Variants in PKM observed in about 807,000 individuals in gnomAD.
PKM encodes the protein pyruvate kinase M1/2, also known as pyruvate kinase PKM.
PKM carries 18 observed loss-of-function variants against 49.8 expected under a neutral mutation model. The observed-to-expected ratio is 0.36, with a 90% CI of 0.25 to 0.54. PKM has a LOEUF of 0.54. Ranked by LOEUF, PKM falls within the 20% of genes least tolerant of loss-of-function variation. The pLI is 0.89. For synonymous variants in PKM, 239 were observed against 261.8 expected, an observed-to-expected ratio of 0.91 and a Z score of 0.84; for missense variants, 508 against 713.8, an observed-to-expected ratio of 0.71 and a Z score of 3.28.
intron 5 of PKM, 80 bp downstream of exon 5, chr15:72,209,592 AC>A: frequency 7.8e-7 from 1 of 1,277,248 alleles, no homozygotes; most frequent in Non-Finnish European, 1.1e-6. Context: ...CAGGCAACCA[AC>A]CTTCCCATCT....
At position 72,202,601 on chromosome 15, in the gene PKM, G is replaced by C. The variant is rs1282600102; in HGVS notation, c.1160C>G (p.Ala387Gly). ...AAATAATTGCAAGTGGTAGATGGCA[G>C]CCTCTGCCTCACGGGCAATCTAGGG... ...MQHLIAREAE[A>G]AIYHLQLFEE... Residue 387 changes from alanine to glycine, a missense_variant, in exon 9 of 11, where the codon GCT (alanine) becomes GGT (glycine). Ala to Gly is a moderately conservative substitution (Grantham distance 60). Coordinates refer to ENST00000335181, the MANE Select transcript of PKM (RefSeq NM_002654.6). The surrounding 1 kb of genome is among the most constrained non-coding windows in gnomAD (Gnocchi z 4.5). 6 of 1,613,256 alleles carry C rather than the reference G, an allele frequency of 3.7e-6. No individual in the cohort carries two copies. The highest frequency in any genetic ancestry group is 4.2e-6 in the Non-Finnish European group (5 of 1,179,712).
chr15:72,224,016 G>A (rs796528508), intron 1 of PKM, among the ~76,000 whole-genome samples: 15 of 152,240 alleles, frequency 9.9e-5, no homozygotes, highest in African/African-American at 3.1e-4. Flanking sequence ...ACTAGAGTGT[G>A]GAATAGGGAA....
intron 1 of PKM, 105 bp from the exon 2 acceptor site, chr15:72,219,215 G>A (rs981526879): frequency 5.6e-5 from 58 of 1,034,024 alleles, no homozygotes; most frequent in African/African-American, 9.5e-5. Flanking sequence ...CAATAAGCAC[G>A]CTTTGTACAC....
At chr15:72,217,351 C>T in intron 3 of PKM, 58 bp downstream of exon 3, 5 of 1,013,930 alleles carry the variant, frequency 4.9e-6, no homozygotes, top group Non-Finnish European at 7.9e-6. Flanking sequence ...GAACACTGCA[C>T]CCCCTCCCTG....
At chr15:72,215,654 C>G (rs996051948) in intron 3 of PKM, among the ~76,000 whole-genome samples, 4 of 152,164 alleles carry the variant, frequency 2.6e-5, no homozygotes, top group African/African-American at 9.7e-5. Flanking sequence ...TGGCAGGTAT[C>G]ACTCGCCCTT....
chr15:72,210,969 A>G (rs886751790), intron 3 of PKM, among the ~76,000 whole-genome samples: 1 of 152,212 alleles, frequency 6.6e-6, no homozygotes, highest in African/African-American at 2.4e-5. Context: ...ATTGATTCCA[A>G]CTACAACGCA....
intron 3 of PKM, among the ~76,000 whole-genome samples, chr15:72,213,432 T>G (rs1472723640): frequency 6.6e-6 from 1 of 152,210 alleles, no homozygotes; most frequent in Non-Finnish European, 1.5e-5. Flanking sequence ...TGGACTTAAG[T>G]GTTCTGAGGT....
chr15:72,199,882 G>A, intron 10 of PKM, 126 bp from the exon 11 acceptor site: 2 of 713,340 alleles, frequency 2.8e-6, no homozygotes, highest in South Asian at 3.0e-5. Context: ...ACCACAAGGT[G>A]GCACCAAACT....
chr15:72,224,922 CTTTTTT>C (rs144572779), intron 1 of PKM, among the ~76,000 whole-genome samples: 1 of 81,602 alleles, frequency 1.2e-5, no homozygotes, highest in Non-Finnish European at 2.5e-5. Context: ...TTTCTTTTTT[CTTTTTT>C]TTTTTTTTTT....
At chr15:72,209,443 A>ATG (rs2082183964) in intron 5 of PKM, 1 of 21,944 alleles carries the variant, frequency 4.6e-5, no homozygotes, top group African/African-American at 1.7e-4. Flanking sequence ...ATATATATGT[A>ATG]TATATATATA....
In PKM at chr15:72,199,168, G is replaced by A. The variant is rs375147398; in HGVS notation, c.*482C>T. On this transcript the variant is annotated 3_prime_UTR_variant, in exon 11 of 11. Transcript: ENST00000335181. The stretch of plus-strand genomic sequence containing the variant: ...AGCTGAGTGGAGGGTGGGGACAGGT[G>A]CAAACTGGAGAGGCCTAGAGAGCTA... 8 of 340,258 alleles carry A rather than the reference G, an allele frequency of 2.4e-5. No homozygotes were observed. Among genetic ancestry groups the A allele is most frequent in the East Asian group, 1.6e-4 (2 of 12,520 alleles). 21.1% of individuals were successfully genotyped at this position (340,258 alleles called of 1,614,324 possible).
At chr15:72,210,709 T>G (rs2082230260) in intron 3 of PKM, among the ~76,000 whole-genome samples, 1 of 152,166 alleles carries the variant, frequency 6.6e-6, no homozygotes, top group African/African-American at 2.4e-5. Context: ...AGGGCAAATC[T>G]TTGAAATGTA....
Position 72,200,603 on chromosome 15 carries a change from T to C in PKM, c.1360A>G (p.Thr454Ala). The change falls in exon 10 of 11, where the codon ACC becomes GCC. Residue 454 changes from threonine to alanine, a missense_variant. Physicochemically the swap from Thr to Ala is moderately conservative, Grantham distance 58 (BLOSUM62 0). Transcript: ENST00000335181. The surrounding 1 kb of genome is among the most constrained non-coding windows in gnomAD (Gnocchi z 4.6). Reference sequence around the variant, plus strand: ...TGACGAGCTGTCTGGGGATTCCGGGTCACAGCAATGATGGGGGCACGTGGG... The same window carrying C: ...TGACGAGCTGTCTGGGGATTCCGGGCCACAGCAATGATGGGGGCACGTGGG... ...YRPRAPIIAV[T>A]RNPQTARQAH... 1 of 1,613,780 alleles carries C rather than the reference T, an allele frequency of 6.2e-7. No individual in the cohort carries two copies. Among genetic ancestry groups the C allele is most frequent in the Non-Finnish European group, 8.5e-7 (1 of 1,179,874 alleles).
intron 6 of PKM, among the ~76,000 whole-genome samples, chr15:72,208,109 G>A (rs1198811726): frequency 6.6e-6 from 1 of 152,198 alleles, no homozygotes; most frequent in African/African-American, 2.4e-5. Flanking sequence ...GACCATACCA[G>A]AGTTAGCATG....
At chr15:72,229,620 C>T in intron 1 of PKM, 1 of 1,270,418 alleles carries the variant, frequency 7.9e-7, no homozygotes, top group Non-Finnish European at 1.0e-6. Context: ...TGCTTGCCAC[C>T]TGGTGAGACC....
intron 3 of PKM, among the ~76,000 whole-genome samples, chr15:72,213,154 T>C (rs1025627809): frequency 6.6e-6 from 1 of 152,264 alleles, no homozygotes. Flanking sequence ...TAAAATCTAC[T>C]TGGTCATGGA....
At chr15:72,228,817 A>ACGGC (rs2082760866) in intron 1 of PKM, 2 of 329,180 alleles carry the variant, frequency 6.1e-6, no homozygotes, top group South Asian at 4.5e-5. Context: ...CACCCTCAAG[A>ACGGC]CGGCCAACTG....
chr15:72,220,279 C>T (rs2082488702), intron 1 of PKM, among the ~76,000 whole-genome samples: 1 of 152,230 alleles, frequency 6.6e-6, no homozygotes, highest in Admixed American at 6.5e-5. Flanking sequence ...ACAAGCTCCT[C>T]TTTAGCCCTT....
At chr15:72,227,715 C>T (rs2082711678) in intron 1 of PKM, among the ~76,000 whole-genome samples, 1 of 122,918 alleles carries the variant, frequency 8.1e-6, no homozygotes, top group African/African-American at 3.1e-5. Flanking sequence ...CATTGCACTC[C>T]AGACTGGGCA....
Sources: gnomAD v4.1 joint callset for allele counts (sites outside exome capture counted in the v4.1 genomes callset) on GRCh38, gnomAD v4.1.1 for gene constraint, Gnocchi (gnomAD v3.1) non-coding constraint, MANE v1.5 for transcripts, NCBI Gene and HGNC (gene_info 2026-07-23, HGNC 2026-07-21) for gene names.